Variants in DDX25 observed in about 807,000 individuals in gnomAD.
DDX25 encodes DEAD-box helicase 25.
In DDX25, 70 loss-of-function variants were observed where a neutral mutation model predicts 64.6. The ratio of observed to expected loss-of-function variants is 1.08; its 90% CI spans 0.89 to 1.32. The LOEUF is 1.32. Ranked by LOEUF, DDX25 falls within the 40% of genes most tolerant of loss-of-function variation. The pLI is 0.00. For synonymous variants in DDX25, 211 were observed against 213.3 expected (o/e 0.99, Z 0.09); for missense variants, 587 against 604.4 (o/e 0.97, Z 0.30).
chr11:125,920,942 A>G, intron 10 of DDX25: 1 of 472,312 alleles, frequency 2.1e-6, no homozygotes, highest in East Asian at 3.6e-5. Context: ...ACACACACAC[A>G]CACACACACA....
Position 125,918,640 on chromosome 11 carries a change from G to A in DDX25, c.1051G>A (p.Ala351Thr), listed in dbSNP as rs746630800. The A allele has an allele frequency of 6.8e-6, 11 of 1,613,194 alleles. No individual in the cohort carries two copies. Among genetic ancestry groups the A allele is most frequent in the East Asian group, 2.2e-5 (1 of 44,864 alleles). Residue 351 changes from alanine (A) to threonine (T), a missense_variant, in exon 10 of 12, where the codon GCT (alanine) becomes ACT (threonine). By Grantham distance (58) the Ala-to-Thr change is moderately conservative. Transcript: ENST00000263576. ...AIIFCQTRRN[A>T]KWLTVEMIQD... is the part of the protein sequence containing the mutation. ...CCTTTTTACATAGACTCGTCGAAAC[G>A]CTAAGTGGTTGACCGTGGAGATGAT...
rs1469685565 is a variant in DDX25 at position 125,923,761 on chromosome 11, G to A, written c.*880G>A. ...AAAGTGTAGTGAGCTTGAGAAGATG[G>A]GGTAAATGGAGAGTCCCCCAGAAAG... On this transcript the variant is annotated 3_prime_UTR_variant, in exon 12 of 12. Transcript: ENST00000263576. 6.6e-6 allele frequency: 1 copy of A among 152,102 alleles called. No individual in the cohort carries two copies. The highest frequency in any genetic ancestry group is 2.4e-5 in the African/African-American group (1 of 41,406). The allele number at this position is 152,102 out of a possible 1,614,324, so 9.4% of individuals were successfully genotyped here.
intron 6 of DDX25, among the ~76,000 whole-genome samples, chr11:125,909,386 G>C (rs1250311916): frequency 1.3e-5 from 2 of 152,156 alleles, no homozygotes; most frequent in Non-Finnish European, 1.5e-5. Context: ...GTGTGGGAAA[G>C]ATATTTTTAG....
intron 4 of DDX25, among the ~76,000 whole-genome samples, chr11:125,906,956 C>T (rs1178081466): frequency 6.6e-6 from 1 of 152,084 alleles, no homozygotes; most frequent in Non-Finnish European, 1.5e-5. Flanking sequence ...CTAAGCTAGG[C>T]ACAGCCAGAT....
intron 4 of DDX25, among the ~76,000 whole-genome samples, chr11:125,906,836 A>AAAAT (rs957409294): frequency 6.6e-6 from 1 of 151,512 alleles, no homozygotes; most frequent in Non-Finnish European, 1.5e-5. Flanking sequence ...AAAAAAAAAA[A>AAAAT]AAAAGGATAT....
At chr11:125,904,429 AG>A, upstream of DDX25, 1 of 1,255,520 alleles carries the variant, frequency 8.0e-7, no homozygotes, top group Admixed American at 4.1e-5. Flanking sequence ...CTGCCCCCTA[AG>A]GAAGCCCATT....
At chr11:125,909,577 ATAT>A (rs1308258830) in intron 6 of DDX25, among the ~76,000 whole-genome samples, 1 of 151,834 alleles carries the variant, frequency 6.6e-6, no homozygotes, top group Admixed American at 6.6e-5. Context: ...TATATATATC[ATAT>A]TATGTATTGT....
In DDX25 at chr11:125,923,121, G is replaced by A; in HGVS notation, c.*240G>A. 4.1e-6 allele frequency: 2 copies of A among 482,210 alleles called. No homozygotes were observed. The highest frequency in any genetic ancestry group is 6.9e-5 in the East Asian group (2 of 29,158). The allele number at this position is 482,210 out of a possible 1,614,324, so 29.9% of individuals were successfully genotyped here. ...TATTTCTTATTCTAATCTTTGTACA[G>A]GTAATGTCTCAATGTGGGCTATGGG... On this transcript the variant is annotated 3_prime_UTR_variant, in exon 12 of 12. Transcript: ENST00000263576.
intron 6 of DDX25, 136 bp from the exon 7 acceptor site, chr11:125,910,228 A>G: frequency 4.5e-6 from 3 of 667,650 alleles, no homozygotes; most frequent in South Asian, 1.9e-5. Context: ...ACTGTATCCA[A>G]TTAAAAATAT....
intron 8 of DDX25, among the ~76,000 whole-genome samples, chr11:125,913,243 T>C (rs1391024434): frequency 6.6e-6 from 1 of 152,174 alleles, no homozygotes; most frequent in Admixed American, 6.5e-5. Context: ...CTGGTAGATC[T>C]GCTGTACAGC....
chr11:125,920,060 C>T (rs1208971351), intron 10 of DDX25, among the ~76,000 whole-genome samples: 1 of 152,188 alleles, frequency 6.6e-6, no homozygotes, highest in African/African-American at 2.4e-5. Context: ...GATCCTGACC[C>T]GGACAGCTTG....
chr11:125,908,292 A>G lies in DDX25; in HGVS notation c.404+4A>G, dbSNP rs1387383863. 1 of 1,613,646 alleles carries G rather than the reference A, an allele frequency of 6.2e-7. No individual in the cohort carries two copies. Among genetic ancestry groups the G allele is most frequent in the African/African-American group, 1.3e-5 (1 of 74,894 alleles). ...TCCCTATGATGCTGGCACATCCGTG[A>G]GTTTCCAGGGTAGTGGTATTCTACT... On this transcript the variant is annotated splice_donor_region_variant and intron_variant, in intron 5 of 11. Coordinates refer to ENST00000263576, the MANE Select transcript of DDX25 (RefSeq NM_013264.5).
intron 9 of DDX25, among the ~76,000 whole-genome samples, chr11:125,917,706 C>G (rs924329913): frequency 3.9e-5 from 6 of 152,154 alleles, no homozygotes; most frequent in Non-Finnish European, 8.8e-5. Flanking sequence ...CTCATTCACT[C>G]CCATATCCAC....
chr11:125,920,977 G>T, intron 10 of DDX25: 1 of 548,454 alleles, frequency 1.8e-6, no homozygotes. Context: ...TTACATTTCT[G>T]TAGCATTCTC....
chr11:125,924,994 T>TA lies in DDX25; in HGVS notation c.*2116dup, dbSNP rs1945154968. ...CCAAGGAACCTTTGTCTTTGTTGAG[T>TA]AAATTTTTTTTTCTTTTGCCACTTC... On this transcript the variant is annotated 3_prime_UTR_variant, in exon 12 of 12. Transcript: ENST00000263576. 6.0e-6 allele frequency: 1 copy of TA among 166,206 alleles called. No homozygotes were observed. Among genetic ancestry groups the TA allele is most frequent in the African/African-American group, 2.4e-5 (1 of 41,700 alleles). The allele number at this position is 166,206 out of a possible 1,614,324, so 10.3% of individuals were successfully genotyped here.
At chr11:125,904,235 T>C (rs1272477161), upstream of DDX25, 4 of 317,950 alleles carry the variant, frequency 1.3e-5, no homozygotes, top group African/African-American at 8.7e-5. Context: ...CTGCGGAAGC[T>C]GCCCCCTCTG....
Position 125,921,302 on chromosome 11 carries a change from T to C in DDX25, c.1313T>C (p.Phe438Ser). 6.2e-7 allele frequency: 1 copy of C among 1,613,622 alleles called. No homozygotes were observed. Among genetic ancestry groups the C allele is most frequent in the Non-Finnish European group, 8.5e-7 (1 of 1,179,806 alleles). The stretch of plus-strand genomic sequence containing the variant: ...CACCGCATAGGGCGGACGGGGCGCT[T>C]TGGGAAAAAAGGCCTTGCCTTCAAC... The part of the protein sequence containing the change: ...YLHRIGRTGR[F>S]GKKGLAFNMI... The change falls in exon 11 of 12, where the codon TTT (phenylalanine) becomes TCT (serine). Residue 438 changes from phenylalanine to serine, a missense_variant. Physicochemically the swap from Phe to Ser is radical, Grantham distance 155. Transcript: ENST00000263576. The surrounding 1 kb of genome is among the most constrained non-coding windows in gnomAD (Gnocchi z 4.1).
At position 125,918,670 on chromosome 11, in the gene DDX25, G is replaced by T. The variant is rs769791291; in HGVS notation, c.1081G>T (p.Asp361Tyr). The T allele has an allele frequency of 2.2e-5, 36 of 1,613,844 alleles. No individual in the cohort carries two copies. Among genetic ancestry groups the T allele is most frequent in the Admixed American group, 8.3e-5 (5 of 60,008 alleles). The change falls in exon 10 of 12, where the codon GAT becomes TAT. Residue 361 changes from aspartate (D) to tyrosine (Y), a missense_variant. Physicochemically the swap from Asp to Tyr is radical, Grantham distance 160 (BLOSUM62 -3). Transcript: ENST00000263576. ...AKWLTVEMIQ[D>Y]GHQVSLLSGE... ...GTGGTTGACCGTGGAGATGATACAG[G>T]ATGGCCACCAGGTGTCTTTGTTAAG...
intron 4 of DDX25, 39 bp from the exon 5 acceptor site, chr11:125,908,157 A>G (rs1282439649): frequency 6.6e-7 from 1 of 1,510,934 alleles, no homozygotes. Flanking sequence ...GCTACTGACC[A>G]ACTATAATCT....
Sources: allele counts gnomAD v4.1 joint callset (sites outside exome capture counted in the v4.1 genomes callset), GRCh38; gene constraint gnomAD v4.1.1; non-coding constraint Gnocchi (gnomAD v3.1); transcripts MANE v1.5; gene names NCBI Gene and HGNC (gene_info 2026-07-23, HGNC 2026-07-21).